NWD1: variants seen among roughly 807,000 people sequenced by gnomAD.
The protein encoded by NWD1 is NACHT and WD repeat domain containing 1, also known as NACHT domain- and WD repeat-containing protein 1.
A neutral mutation model predicts 135.1 loss-of-function variants in NWD1; 129 were observed. The observed-to-expected ratio is 0.96, with a 90% CI of 0.83 to 1.11. The LOEUF is 1.11. Among genes scored for constraint, NWD1 ranks in the 50% least tolerant of loss-of-function variants. NWD1 has a pLI of 0.00. For missense variants in NWD1, 1,740 were observed against 1,851.3 expected (o/e 0.94, Z 1.10); for synonymous variants, 773 against 786.0 (o/e 0.98, Z 0.28).
chr19:16,765,257 C>T (rs1377767275), intron 10 of NWD1, 65 bp downstream of exon 10: 2 of 1,446,256 alleles, frequency 1.4e-6, no homozygotes, highest in African/African-American at 1.4e-5. Flanking sequence ...ACATGCTCTC[C>T]TCATTGAGTC....
At chr19:16,751,833 G>A (rs571925934) in intron 6 of NWD1, among the ~76,000 whole-genome samples, 2 of 142,174 alleles carry the variant, frequency 1.4e-5, no homozygotes, top group Admixed American at 1.5e-4. Context: ...AAGGAAGGAA[G>A]GAAGGAAGAT....
intron 15 of NWD1, among the ~76,000 whole-genome samples, chr19:16,795,415 C>G (rs1034921475): frequency 7.3e-6 from 1 of 136,348 alleles, no homozygotes; most frequent in East Asian, 2.1e-4. Flanking sequence ...TGCTAATTAC[C>G]TTTTTTTTTT....
chr19:16,771,663 CT>C (rs1361435178), intron 10 of NWD1, among the ~76,000 whole-genome samples: 1 of 152,086 alleles, frequency 6.6e-6, no homozygotes, highest in Non-Finnish European at 1.5e-5. Flanking sequence ...TGCAAAGCCC[CT>C]TGATTGACAA....
chr19:16,802,218 G>T (rs1313995544), intron 17 of NWD1, among the ~76,000 whole-genome samples: 2 of 151,398 alleles, frequency 1.3e-5, no homozygotes, highest in Non-Finnish European at 2.9e-5. Flanking sequence ...GCAGGCAGAG[G>T]TTGCATTGAG....
At chr19:16,750,562 C>T (rs2122813797) in intron 6 of NWD1, 151 bp downstream of exon 6, 1 of 563,056 alleles carries the variant, frequency 1.8e-6, no homozygotes, top group South Asian at 3.1e-5. Context: ...TCAAGTGATC[C>T]TCACGCCTCA....
chr19:16,764,908 T>C, intron 9 of NWD1, 126 bp from the exon 10 acceptor site: 1 of 1,010,442 alleles, frequency 9.9e-7, no homozygotes. Flanking sequence ...AGAATGATCC[T>C]GCCCCAGTGT....
Position 16,762,143 on chromosome 19 carries a change from G to A in NWD1, c.2133+5G>A, listed in dbSNP as rs768380698. 1.9e-6 allele frequency: 3 copies of A among 1,610,534 alleles called. No individual in the cohort carries two copies. In the Admixed American group the frequency reaches 5.0e-5, roughly 27 times the overall value. ...CCACTGAACTTGGACCGAAAGGTGA[G>A]GTACCTGGGACCCCCATTCCCCACC... On this transcript the variant is annotated splice_donor_5th_base_variant and intron_variant, in intron 8 of 18. Coordinates refer to ENST00000524140, the MANE Select transcript of NWD1 (RefSeq NM_001007525.5).
At chr19:16,812,257 C>T (rs940527367) in intron 18 of NWD1, among the ~76,000 whole-genome samples, 12 of 150,722 alleles carry the variant, frequency 8.0e-5, no homozygotes, top group African/African-American at 2.0e-4. Flanking sequence ...GCAGTCAAGC[C>T]GAGATGGCAT....
At chr19:16,775,466 G>A (rs79338519) in intron 11 of NWD1, among the ~76,000 whole-genome samples, 6,655 of 152,032 alleles carry the variant, frequency 0.044, 454 homozygotes, top group African/African-American at 0.15. Flanking sequence ...GGCTGTCCTC[G>A]TTGGCCCAAT....
chr19:16,753,188 G>A (rs1288634429), intron 6 of NWD1, among the ~76,000 whole-genome samples: 2 of 152,162 alleles, frequency 1.3e-5, no homozygotes, highest in South Asian at 2.1e-4. Context: ...CTCTTCCTTC[G>A]GCCCCTCTGG....
Position 16,731,213 on chromosome 19 carries a change from C to A in NWD1, c.16C>A (p.Pro6Thr), listed in dbSNP as rs1006994805. The A allele has an allele frequency of 6.5e-6, 10 of 1,532,756 alleles. No homozygotes were observed. In the East Asian group the frequency reaches 1.7e-4, roughly 26 times the overall value. 94.9% of individuals were successfully genotyped at this position (1,532,756 alleles called of 1,614,324 possible). A position where few individuals can be genotyped will look rare whatever the true frequency, so the allele number is the denominator to read the frequency against. Residue 6 changes from proline (P) to threonine (T), a missense_variant, in exon 3 of 19, where the codon CCC becomes ACC. Coordinates refer to ENST00000524140, the MANE Select transcript of NWD1 (RefSeq NM_001007525.5). MQRGK[P>T]CRALPTLKCQ... ...GCAGATATGGATGCAGAGAGGGAAG[C>A]CCTGCAGAGCACTGCCTACCCTGAA...
At chr19:16,759,858 G>A (rs62118249) in intron 7 of NWD1, among the ~76,000 whole-genome samples, 1,807 of 152,144 alleles carry the variant, frequency 0.012, 15 homozygotes, top group Middle Eastern at 0.031. Context: ...GCCAGACGCG[G>A]TGGCACGTGC....
chr19:16,737,350 A>G (rs149939113), intron 4 of NWD1, among the ~76,000 whole-genome samples: 159 of 151,940 alleles, frequency 1.0e-3, no homozygotes, highest in African/African-American at 3.6e-3. Flanking sequence ...TACAGCCTTG[A>G]ACTCCTGGGC....
chr19:16,723,579 C>T (rs1051741444), intron 1 of NWD1, among the ~76,000 whole-genome samples: 9 of 151,992 alleles, frequency 5.9e-5, no homozygotes, highest in Admixed American at 1.3e-4. Context: ...CTCAAAGTGC[C>T]GAGATTACAG....
intron 10 of NWD1, among the ~76,000 whole-genome samples, chr19:16,771,650 C>T (rs1449478274): frequency 1.3e-5 from 2 of 152,142 alleles, no homozygotes; most frequent in Non-Finnish European, 2.9e-5. Context: ...TCAGCAAGTT[C>T]CCTGCAAAGC....
intron 12 of NWD1, among the ~76,000 whole-genome samples, chr19:16,780,268 G>A (rs972181177): frequency 7.3e-5 from 11 of 151,256 alleles, no homozygotes; most frequent in Admixed American, 3.3e-4. Context: ...CCATTCTCCT[G>A]CCTCAGCCTC....
At chr19:16,726,320 T>C (rs779121246) in intron 2 of NWD1, among the ~76,000 whole-genome samples, 1 of 152,118 alleles carries the variant, frequency 6.6e-6, no homozygotes, top group Non-Finnish European at 1.5e-5. Context: ...TGTGTTGCCC[T>C]GGCTGGCCTT....
At chr19:16,809,133 A>C (rs1365818594) in intron 18 of NWD1, among the ~76,000 whole-genome samples, 1 of 151,818 alleles carries the variant, frequency 6.6e-6, no homozygotes, top group African/African-American at 2.4e-5. Flanking sequence ...TCTGTCACCC[A>C]GGCTGGAATG....
chr19:16,791,534 G>C lies in NWD1; in HGVS notation c.3125G>C (p.Ser1042Thr). The change falls in exon 14 of 19, where the codon AGC becomes ACC. Residue 1042 changes from serine (S) to threonine (T), a missense_variant. Ser to Thr is a moderately conservative substitution (Grantham distance 58). Coordinates refer to ENST00000524140, the MANE Select transcript of NWD1 (RefSeq NM_001007525.5). ...GKLQGKQHMS[S>T]IKEETPTCAV... ...CTTCAGGGGAAGCAACATATGTCCA[G>C]CATCAAAGAAGAAACACCTACCTGT... 1.9e-6 allele frequency: 3 copies of C among 1,614,118 alleles called. No homozygotes were observed. The highest frequency in any genetic ancestry group is 2.5e-6 in the Non-Finnish European group (3 of 1,180,000).
Sources: gnomAD v4.1 joint callset for allele counts (sites outside exome capture counted in the v4.1 genomes callset) on GRCh38, gnomAD v4.1.1 for gene constraint, MANE v1.5 for transcripts, NCBI Gene and HGNC (gene_info 2026-07-23, HGNC 2026-07-21) for gene names.